Variants in CELSR3 observed in about 807,000 individuals in gnomAD.
CELSR3 encodes the protein cadherin EGF LAG seven-pass G-type receptor 3, also known as EGF-like protein 1.
Under a neutral mutation model 270.0 loss-of-function variants are expected in CELSR3, and 73 were observed. The observed-to-expected ratio is 0.27, with a 90% CI of 0.22 to 0.33. The LOEUF (loss-of-function observed/expected upper bound fraction) is 0.33. CELSR3 is among the 10% of genes least tolerant of loss of function. CELSR3 has a pLI of 1.00. For missense variants in CELSR3, 3,614 were observed against 4,533.8 expected, an observed-to-expected ratio of 0.80 and a Z score of 5.83; for synonymous variants, 1,780 against 1,905.4, an observed-to-expected ratio of 0.93 and a Z score of 1.71.
chr3:48,638,607 T>G (rs973760682), intron 34 of CELSR3, among the ~76,000 whole-genome samples: 7 of 152,072 alleles, frequency 4.6e-5, no homozygotes, highest in African/African-American at 1.7e-4. Flanking sequence ...CTGCCTAAGG[T>G]CACGCAGCTA....
At position 48,653,484 on chromosome 3, in the gene CELSR3, C is replaced by T. The variant is rs191790807; in HGVS notation, c.5448+135G>A. On this transcript the variant is annotated intron_variant, in intron 9 of 34. Coordinates refer to ENST00000164024, the MANE Select transcript of CELSR3 (RefSeq NM_001407.3). This position sits in a 1 kb window ranked among gnomAD's most constrained non-coding sequence, Gnocchi z 6.5. ...TGGAAAGAGAATCAAGGGCTAGGGT[C>T]CAGAGCAGGGTCAAGTGTGGTTGGG... 2.1e-4 allele frequency: 214 copies of T among 1,031,756 alleles called. No individual in the cohort carries two copies. The highest frequency in any genetic ancestry group is 3.2e-4 in the Middle Eastern group (1 of 3,128). The allele number at this position is 1,031,756 out of a possible 1,614,324, so 63.9% of individuals were successfully genotyped here. A position where few individuals can be genotyped will look rare whatever the true frequency, so the allele number is the denominator to read the frequency against.
intron 19 of CELSR3, 28 bp downstream of exon 19, chr3:48,648,238 G>GGCCCCCCCCAAAC: frequency 1.5e-6 from 2 of 1,342,626 alleles, no homozygotes; most frequent in Non-Finnish European, 2.1e-6. Context: ...CCCCTGCTGT[G>GGCCCCCCCCAAAC]CCCCGCCCTA....
chr3:48,650,443 C>T lies in CELSR3; in HGVS notation c.6472+37G>A. On this transcript the variant is annotated intron_variant, in intron 16 of 34. Transcript: ENST00000164024. This position sits in a 1 kb window ranked among gnomAD's most constrained non-coding sequence, Gnocchi z 5.1. ...TAGCAGTCAGAGTACAGGCCCACCC[C>T]CACCCTCAGTGATGTCCTTTCCCCC... The T allele has an allele frequency of 1.1e-6, 1 of 909,834 alleles. No individual in the cohort carries two copies. Among genetic ancestry groups the T allele is most frequent in the Non-Finnish European group, 1.7e-6 (1 of 591,286 alleles). The allele number at this position is 909,834 out of a possible 1,614,324, so 56.4% of individuals were successfully genotyped here. A position where few individuals can be genotyped will look rare whatever the true frequency, so the allele number is the denominator to read the frequency against.
Position 48,637,214 on chromosome 3 carries a change from G to A in CELSR3, c.*991C>T, listed in dbSNP as rs1466379479. The A allele has an allele frequency of 6.6e-6, 1 of 152,616 alleles. No homozygotes were observed. The highest frequency in any genetic ancestry group is 1.9e-4 in the East Asian group (1 of 5,204). 9.5% of individuals were successfully genotyped at this position (152,616 alleles called of 1,614,324 possible). A position where few individuals can be genotyped will look rare whatever the true frequency, so the allele number is the denominator to read the frequency against. On this transcript the variant is annotated 3_prime_UTR_variant, in exon 35 of 35. Coordinates refer to ENST00000164024, the MANE Select transcript of CELSR3 (RefSeq NM_001407.3). ...AAGGGAATAAAGGAGGAGTGGAACG[G>A]AGTCACTTCCTGCAGCCCAGGTGCC... is the stretch of plus-strand genomic sequence containing the variant.
rs2047152986 is a variant in CELSR3 at position 48,653,194 on chromosome 3, G to A, written c.5449-7C>T. The A allele has an allele frequency of 1.2e-6, 2 of 1,612,514 alleles. No homozygotes were observed. The highest frequency in any genetic ancestry group is 2.2e-5 in the East Asian group (1 of 44,878). ...ACAGTAACCCCCGATCTAGCTGTGGGCAGAGATGCATAGCCCTGGGGTTAG... is the reference window on the plus strand; with the variant it reads ...ACAGTAACCCCCGATCTAGCTGTGGACAGAGATGCATAGCCCTGGGGTTAG... On this transcript the variant is annotated splice_region_variant and splice_polypyrimidine_tract_variant and intron_variant, in intron 9 of 34. Coordinates refer to ENST00000164024, the MANE Select transcript of CELSR3 (RefSeq NM_001407.3). The surrounding 1 kb of genome is among the most constrained non-coding windows in gnomAD (Gnocchi z 6.5).
rs1302393907 is a variant in CELSR3, at chr3:48,661,820, G to A, written c.815C>T (p.Ala272Val). The A allele has an allele frequency of 3.7e-6, 6 of 1,608,980 alleles. No individual in the cohort carries two copies. The highest frequency in any genetic ancestry group is 3.3e-5 in the South Asian group (3 of 90,950). Residue 272 changes from alanine to valine, a missense_variant, in exon 1 of 35, where the codon GCG becomes GTG. Around this residue, in one of 7 missense-constraint regions of CELSR3, gnomAD observed 470 missense variants for 469.7 expected, o/e 1.00. Coordinates refer to ENST00000164024, the MANE Select transcript of CELSR3 (RefSeq NM_001407.3). ...PRESRTAPEPAPKRMRSRGLF... is the reference protein window; with the variant it reads ...PRESRTAPEPVPKRMRSRGLF... ...ACCCCGGGAGCGCATGCGCTTGGGC[G>A]CCGGCTCGGGAGCTGTCCGAGACTC...
Position 48,640,057 on chromosome 3 carries a change from G to A in CELSR3, c.9528C>T (p.Pro3176=). The change falls in exon 34 of 35, where the codon CCC becomes CCT. Residue 3176 remains proline (P), a synonymous_variant. Coordinates refer to ENST00000164024, the MANE Select transcript of CELSR3 (RefSeq NM_001407.3). This position sits in a 1 kb window ranked among gnomAD's most constrained non-coding sequence, Gnocchi z 7.5. ...GGGGGTCCCTTGAGAGTTGCCGCTG[G>A]GGAGACAGGGGCAGAGGTGGGGGCT... ...DPQPPPLPLS[P]QRQLSRDPLL... The A allele has an allele frequency of 1.2e-6, 2 of 1,610,738 alleles. No homozygotes were observed. The highest frequency in any genetic ancestry group is 1.7e-6 in the Non-Finnish European group (2 of 1,179,694).
Position 48,640,845 on chromosome 3 carries a change from G to A in CELSR3, c.9026-286C>T. 3.9e-6 allele frequency: 2 copies of A among 516,906 alleles called. No individual in the cohort carries two copies. The highest frequency in any genetic ancestry group is 2.8e-5 in the South Asian group (1 of 35,856). 32.0% of individuals were successfully genotyped at this position (516,906 alleles called of 1,614,324 possible). A position where few individuals can be genotyped will look rare whatever the true frequency, so the allele number is the denominator to read the frequency against. On this transcript the variant is annotated intron_variant, in intron 33 of 34. Transcript: ENST00000164024. The surrounding 1 kb of genome is among the most constrained non-coding windows in gnomAD (Gnocchi z 7.5). ...GGCAAACTCCCTGAGGTCAGAAGAGGGGCAGCCCTCAGGTCCTGACAATGC... is the reference window on the plus strand; with the variant it reads ...GGCAAACTCCCTGAGGTCAGAAGAGAGGCAGCCCTCAGGTCCTGACAATGC...
At position 48,650,012 on chromosome 3, in the gene CELSR3, G is replaced by A. The variant is rs905403006; in HGVS notation, c.6472+468C>T. Among the ~76,000 whole-genome samples the A allele has an allele frequency of 1.7e-4, 25 of 151,032 alleles. No individual in the cohort carries two copies. The highest frequency in any genetic ancestry group is 4.4e-4 in the African/African-American group (18 of 41,072). ...TCCTCAGACTGAGGAGGGATCTTTCGTGACCTCAGGCAGTGGGGAAAGTTC... is the reference window on the plus strand; with the variant it reads ...TCCTCAGACTGAGGAGGGATCTTTCATGACCTCAGGCAGTGGGGAAAGTTC... On this transcript the variant is annotated intron_variant, in intron 16 of 34. Transcript: ENST00000164024. The surrounding 1 kb of genome is among the most constrained non-coding windows in gnomAD (Gnocchi z 5.1).
At position 48,660,205 on chromosome 3, in the gene CELSR3, C is replaced by A. The variant is rs2077055535; in HGVS notation, c.2430G>T (p.Val810=). ...NRFAISTQGG[V]GLVTLALPLD... Reference sequence around the variant, plus strand: ...GTGGCAGAGCCAGAGTCACCAGACCCACACCCCCCTGGGTGCTGATGGCAA... The same window carrying A: ...GTGGCAGAGCCAGAGTCACCAGACCAACACCCCCCTGGGTGCTGATGGCAA... Residue 810 remains valine (V), a synonymous_variant, in exon 1 of 35, where the codon GTG becomes GTT. Transcript: ENST00000164024. The surrounding 1 kb of genome is among the most constrained non-coding windows in gnomAD (Gnocchi z 5.5). The A allele has an allele frequency of 3.1e-6, 5 of 1,613,964 alleles. No individual in the cohort carries two copies. Among genetic ancestry groups the A allele is most frequent in the Non-Finnish European group, 4.2e-6 (5 of 1,180,034 alleles).
chr3:48,661,102 C>A lies in CELSR3; in HGVS notation c.1533G>T (p.Leu511=). ...VDREHMESYE[L]VVEASDQGQE... is the part of the protein sequence containing the mutation. ...GGCCCTGGTCGCTGGCTTCCACCACCAGCTCATAGCTTTCCATGTGCTCGC... is the reference window on the plus strand; with the variant it reads ...GGCCCTGGTCGCTGGCTTCCACCACAAGCTCATAGCTTTCCATGTGCTCGC... Residue 511 remains leucine, a synonymous_variant, in exon 1 of 35, where the codon CTG becomes CTT. Coordinates refer to ENST00000164024, the MANE Select transcript of CELSR3 (RefSeq NM_001407.3). 3 of 1,613,042 alleles carry A rather than the reference C, an allele frequency of 1.9e-6. No individual in the cohort carries two copies. Among genetic ancestry groups the A allele is most frequent in the Non-Finnish European group, 2.5e-6 (3 of 1,179,810 alleles).
At chr3:48,647,770 G>T in intron 20 of CELSR3, 71 bp downstream of exon 20, 2 of 1,507,970 alleles carry the variant, frequency 1.3e-6, no homozygotes, top group East Asian at 2.3e-5. Flanking sequence ...ATTGGCAGGA[G>T]GGCAACATAG....
At position 48,649,202 on chromosome 3, in the gene CELSR3, C is replaced by T. The variant is rs1341328162; in HGVS notation, c.6486G>A (p.Arg2162=). 1 of 1,610,192 alleles carries T rather than the reference C, an allele frequency of 6.2e-7. No individual in the cohort carries two copies. Among genetic ancestry groups the T allele is most frequent in the Non-Finnish European group, 8.5e-7 (1 of 1,178,478 alleles). Residue 2162 remains arginine, a synonymous_variant, in exon 17 of 35, where the codon CGG becomes CGA. Coordinates refer to ENST00000164024, the MANE Select transcript of CELSR3 (RefSeq NM_001407.3). ...CPRGALGAAV[R]LCDEAQGWLE... ...GCCAACCCTGGGCCTCATCACACAG[C>T]CGCACAGCAGCACCTGGAGGCAGGC...
rs1314316846 is a variant in CELSR3, at chr3:48,652,983, C to T, written c.5634+19G>A. ...GTTGGAAGGCTGAGAACAGACTACC[C>T]CGGGGTCAGAGGCCAGACCTGGAAG... is the stretch of plus-strand genomic sequence containing the variant. On this transcript the variant is annotated intron_variant, in intron 10 of 34. Transcript: ENST00000164024. This position sits in a 1 kb window ranked among gnomAD's most constrained non-coding sequence, Gnocchi z 4.3. The T allele has an allele frequency of 1.2e-6, 2 of 1,608,984 alleles. No individual in the cohort carries two copies. Among genetic ancestry groups the T allele is most frequent in the Non-Finnish European group, 1.7e-6 (2 of 1,176,890 alleles).
In CELSR3 at chr3:48,640,752, G is replaced by GCCCTTC. The variant is rs1463930285; in HGVS notation, c.9026-194_9026-193insGAAGGG. ...GCAGGACAGGGGTCAGAGTGGAAGG[G>GCCCTTC]CAGTCATCTTCCAGTTGTGGTCCCG... On this transcript the variant is annotated intron_variant, in intron 33 of 34. Transcript: ENST00000164024. This position sits in a 1 kb window ranked among gnomAD's most constrained non-coding sequence, Gnocchi z 7.5. The GCCCTTC allele has an allele frequency of 7.5e-5, 44 of 588,364 alleles. 1 individual carries two copies. The South Asian group carries it at 9.6e-4, about 13-fold the overall frequency. 36.4% of individuals were successfully genotyped at this position (588,364 alleles called of 1,614,324 possible). A position where few individuals can be genotyped will look rare whatever the true frequency, so the allele number is the denominator to read the frequency against.
In CELSR3 at chr3:48,641,340, G is replaced by T. The variant is rs771652333; in HGVS notation, c.9009C>A (p.Ala3003=). 3.1e-6 allele frequency: 5 copies of T among 1,609,628 alleles called. No homozygotes were observed. The highest frequency in any genetic ancestry group is 3.4e-6 in the Non-Finnish European group (4 of 1,177,642). Residue 3003 remains alanine (A), a synonymous_variant, in exon 33 of 35, where the codon GCC becomes GCA. Coordinates refer to ENST00000164024, the MANE Select transcript of CELSR3 (RefSeq NM_001407.3). This position sits in a 1 kb window ranked among gnomAD's most constrained non-coding sequence, Gnocchi z 4.8. ...GGACTGTACCTTTCCTCTGGCGCTG[G>T]GCCCGGCCCAGAGAAGTCTCATCCC... ...TSGDETSLGR[A]QRQRKGILKN...
In CELSR3 at chr3:48,638,127, C is replaced by T. The variant is rs2046989236; in HGVS notation, c.*78G>A. The T allele has an allele frequency of 1.4e-5, 19 of 1,327,878 alleles. No individual in the cohort carries two copies. Among genetic ancestry groups the T allele is most frequent in the Non-Finnish European group, 2.0e-5 (18 of 921,598 alleles). 82.3% of individuals were successfully genotyped at this position (1,327,878 alleles called of 1,614,324 possible). On this transcript the variant is annotated 3_prime_UTR_variant, in exon 35 of 35. Transcript: ENST00000164024. Reference sequence around the variant, plus strand: ...GAGCAGGAGGCTGCCTTGGGATCTGCCCCCACTCCTGGAGTCTCTCCTGTT... The same window carrying T: ...GAGCAGGAGGCTGCCTTGGGATCTGTCCCCACTCCTGGAGTCTCTCCTGTT...
In CELSR3 at chr3:48,645,747, G is replaced by A. The variant is rs747265256; in HGVS notation, c.7585C>T (p.Arg2529Cys). The A allele has an allele frequency of 1.6e-5, 25 of 1,608,736 alleles. No homozygotes were observed. The highest frequency in any genetic ancestry group is 1.3e-4 in the Admixed American group (8 of 59,924). Residue 2529 changes from arginine (R) to cysteine (C), a missense_variant, in exon 23 of 35, where the codon CGT (arginine) becomes TGT (cysteine). By Grantham distance (180) the Arg-to-Cys change is radical (BLOSUM62 -3). Transcript: ENST00000164024. The surrounding 1 kb of genome is among the most constrained non-coding windows in gnomAD (Gnocchi z 5.4). ...GACACTGAACACAGCCCCACCTCACGGGGAGAGGCATCCATGAGGACCCCA... is the reference window on the plus strand; with the variant it reads ...GACACTGAACACAGCCCCACCTCACAGGGAGAGGCATCCATGAGGACCCCA... ...TFGVLMDASP[R>C]ERLEGDLELL...
rs771923936 is a variant in CELSR3, at chr3:48,650,527, G to C, written c.6425C>G (p.Thr2142Arg). 9 of 1,608,850 alleles carry C rather than the reference G, an allele frequency of 5.6e-6. No homozygotes were observed. The highest frequency in any genetic ancestry group is 7.6e-6 in the Non-Finnish European group (9 of 1,178,772). ...CACTGTGGCCAGGACGCCAAACTTTGTCTGGGGCCACCACACACCAGATCT... is the reference window on the plus strand; with the variant it reads ...CACTGTGGCCAGGACGCCAAACTTTCTCTGGGGCCACCACACACCAGATCT... ...SLRSGVWWPQ[T>R]KFGVLATVPC... Residue 2142 changes from threonine to arginine, a missense_variant, in exon 16 of 35, where the codon ACA becomes AGA. Thr to Arg is a moderately conservative substitution (Grantham distance 71). Transcript: ENST00000164024. This position sits in a 1 kb window ranked among gnomAD's most constrained non-coding sequence, Gnocchi z 5.1.
Sources: gnomAD v4.1 joint callset for allele counts (sites outside exome capture counted in the v4.1 genomes callset) on GRCh38, gnomAD v4.1.1 for gene constraint, gnomAD v4.1.1 regional missense constraint, Gnocchi (gnomAD v3.1) non-coding constraint, MANE v1.5 for transcripts, NCBI Gene and HGNC (gene_info 2026-07-23, HGNC 2026-07-21) for gene names.